The following RNF216 variants were observed in gnomAD, a reference collection of about 807,000 sequenced individuals.
The protein encoded by RNF216 is E3 ubiquitin-protein ligase RNF216.
Under a neutral mutation model 110.8 loss-of-function variants are expected in RNF216, and 72 were observed. The ratio of observed to expected loss-of-function variants is 0.65; its 90% CI spans 0.54 to 0.79. RNF216 has a LOEUF of 0.79. Ranked by LOEUF, RNF216 falls within the 30% of genes least tolerant of loss-of-function variation. The pLI is 0.00. For synonymous variants in RNF216, 495 were observed against 407.5 expected (o/e 1.21, Z -2.59); for missense variants, 1,342 against 1,141.2 (o/e 1.18, Z -2.54).
intron 8 of RNF216, among the ~76,000 whole-genome samples, chr7:5,721,498 G>A (rs1038688844): frequency 3.9e-5 from 6 of 152,198 alleles, no homozygotes; most frequent in African/African-American, 1.4e-4. Context: ...GCTGTTTTGG[G>A]TTAATCTGAA....
chr7:5,776,500 C>T (rs955439912), intron 1 of RNF216, among the ~76,000 whole-genome samples: 5 of 145,418 alleles, frequency 3.4e-5, no homozygotes, highest in Non-Finnish European at 3.0e-5. Context: ...GAGGCTGAGG[C>T]AGGAGAATGG....
intron 1 of RNF216, among the ~76,000 whole-genome samples, chr7:5,768,346 T>TACACACTCACACACACACACAC (rs1796314933): frequency 1.4e-5 from 1 of 71,886 alleles, no homozygotes; most frequent in Admixed American, 2.0e-4. Flanking sequence ...GGCAGGCAAA[T>TACACACTCACACACACACACAC]ACACACACAC....
chr7:5,632,732 A>G (rs1204026456), intron 15 of RNF216, among the ~76,000 whole-genome samples: 1 of 152,074 alleles, frequency 6.6e-6, no homozygotes, highest in African/African-American at 2.4e-5. Context: ...AGCCAAGATC[A>G]CGCGACTGCA....
chr7:5,696,535 G>C lies in RNF216; in HGVS notation c.2061+15226C>G, dbSNP rs926364409. Among the ~76,000 whole-genome samples the C allele has an allele frequency of 4.6e-5, 7 of 152,136 alleles. No individual in the cohort carries two copies. Among genetic ancestry groups the C allele is most frequent in the Non-Finnish European group, 1.0e-4 (7 of 68,012 alleles). ...CACCCACACACACCACAGGAAGGAG[G>C]AGCAGGCCGGGGCAGCCTCCTAGAC... On this transcript the variant is annotated intron_variant, in intron 13 of 16. Coordinates refer to ENST00000389902, the MANE Select transcript of RNF216 (RefSeq NM_207111.4). The surrounding 1 kb of genome is among the most constrained non-coding windows in gnomAD (Gnocchi z 5.4).
chr7:5,623,310 A>G (rs1584324281), intron 16 of RNF216, 131 bp from the exon 17 acceptor site: 2 of 701,900 alleles, frequency 2.8e-6, no homozygotes, highest in East Asian at 5.7e-5. Flanking sequence ...AAACGTGGAC[A>G]CCTCCCAAAT....
intron 1 of RNF216, among the ~76,000 whole-genome samples, chr7:5,781,193 G>A (rs1356856765): frequency 2.0e-5 from 3 of 152,242 alleles, no homozygotes; most frequent in Non-Finnish European, 4.4e-5. Flanking sequence ...CGCCTCCGCG[G>A]CGGCCTCGGG....
Position 5,776,852 on chromosome 7 carries a change from T to C in RNF216, c.-70+4689A>G, listed in dbSNP as rs186384258. On this transcript the variant is annotated intron_variant, in intron 1 of 16. Coordinates refer to ENST00000389902, the MANE Select transcript of RNF216 (RefSeq NM_207111.4). ...GGAGGAGGAGGTTGCAGTGAGCTGA[T>C]ATTGTGCCACTGCACTCCAGCCTGT... is the stretch of plus-strand genomic sequence containing the variant. Among the ~76,000 whole-genome samples, 600 of 125,786 alleles carry C rather than the reference T, an allele frequency of 4.8e-3. 3 individuals carry two copies. The highest frequency in any genetic ancestry group is 0.01 in the South Asian group (43 of 4,198). The allele number at this position is 125,786 out of a possible 152,430, so 82.5% of individuals were successfully genotyped here. A position where few individuals can be genotyped will look rare whatever the true frequency, so the allele number is the denominator to read the frequency against.
Position 5,628,019 on chromosome 7 carries a change from C to T in RNF216, c.2383-3894G>A, listed in dbSNP as rs182452007. On this transcript the variant is annotated intron_variant, in intron 15 of 16. Coordinates refer to ENST00000389902, the MANE Select transcript of RNF216 (RefSeq NM_207111.4). ...GCGAGCCCAGGTTTCTGATACAGAT[C>T]GGCGGGGTCTGGAGGACACTGCAGA... Among the ~76,000 whole-genome samples, 17 of 152,288 alleles carry T rather than the reference C, an allele frequency of 1.1e-4. No individual in the cohort carries two copies. The Middle Eastern group carries it at 0.01, about 91-fold the overall frequency.
intron 1 of RNF216, among the ~76,000 whole-genome samples, chr7:5,768,423 G>A (rs975039728): frequency 4.0e-5 from 5 of 123,868 alleles, no homozygotes; most frequent in Non-Finnish European, 8.5e-5. Flanking sequence ...AAGGAAGCAA[G>A]ATGAACCCAC....
At chr7:5,719,461 T>C (rs1372815489) in intron 9 of RNF216, among the ~76,000 whole-genome samples, 1 of 152,186 alleles carries the variant, frequency 6.6e-6, no homozygotes, top group South Asian at 2.1e-4. Context: ...ACGGGGTCAT[T>C]TGGCTGTGCC....
chr7:5,686,981 G>A (rs929829210), intron 13 of RNF216, among the ~76,000 whole-genome samples: 2 of 152,176 alleles, frequency 1.3e-5, no homozygotes, highest in African/African-American at 4.8e-5. Flanking sequence ...TGTGGCCTGG[G>A]GATGGGGACT....
chr7:5,773,270 T>C (rs1476967099), intron 1 of RNF216, among the ~76,000 whole-genome samples: 4 of 150,904 alleles, frequency 2.7e-5, no homozygotes, highest in African/African-American at 9.8e-5. Flanking sequence ...TGAGACAGAG[T>C]CTCCCACTGT....
intron 14 of RNF216, among the ~76,000 whole-genome samples, chr7:5,650,528 T>G (rs938584080): frequency 3.3e-5 from 5 of 152,070 alleles, no homozygotes; most frequent in South Asian, 2.1e-4. Context: ...TGCTGCTCAT[T>G]TGGGTTGTCT....
intron 3 of RNF216, among the ~76,000 whole-genome samples, chr7:5,745,292 TA>T (rs1210805731): frequency 3.3e-5 from 5 of 152,204 alleles, no homozygotes; most frequent in African/African-American, 1.2e-4. Flanking sequence ...CATTCACTTC[TA>T]AAAAAATTTT....
rs1284734128 is a variant in RNF216, at chr7:5,650,582, T to C, written c.2159+1831A>G. ...TGTAGGACCGGGGTCTCTATTTTCTTGGTGGCTGTCAGCTGAGGGTTTTCC... is the reference window on the plus strand; with the variant it reads ...TGTAGGACCGGGGTCTCTATTTTCTCGGTGGCTGTCAGCTGAGGGTTTTCC... On this transcript the variant is annotated intron_variant, in intron 14 of 16. Coordinates refer to ENST00000389902, the MANE Select transcript of RNF216 (RefSeq NM_207111.4). 2.6e-5 allele frequency among the ~76,000 whole-genome samples: 4 copies of C among 152,090 alleles called. No homozygotes were observed. The East Asian group carries it at 7.7e-4, about 29-fold the overall frequency.
chr7:5,640,272 A>G (rs1787656888), intron 15 of RNF216, among the ~76,000 whole-genome samples: 1 of 152,048 alleles, frequency 6.6e-6, no homozygotes, highest in Non-Finnish European at 1.5e-5. Context: ...ATTATTTTTT[A>G]GTCTGGCCTT....
chr7:5,771,944 C>T (rs773515449), intron 1 of RNF216, among the ~76,000 whole-genome samples: 3 of 151,180 alleles, frequency 2.0e-5, no homozygotes, highest in Non-Finnish European at 4.4e-5. Context: ...TAAACTAAAA[C>T]CACAAGGGGC....
At position 5,772,092 on chromosome 7, in the gene RNF216, G is replaced by A. The variant is rs546389979; in HGVS notation, c.-70+9449C>T. 1.4e-4 allele frequency among the ~76,000 whole-genome samples: 21 copies of A among 152,132 alleles called. 1 individual carries two copies. In the South Asian group the frequency reaches 4.2e-3, roughly 30 times the overall value. The stretch of plus-strand genomic sequence containing the variant: ...CTACTAAAAATACAAAATTAGCTGG[G>A]CATGGTGGCCCATGCCTGTAATCCC... On this transcript the variant is annotated intron_variant, in intron 1 of 16. Transcript: ENST00000389902.
chr7:5,667,180 G>T (rs759117099), intron 13 of RNF216, among the ~76,000 whole-genome samples: 1 of 152,144 alleles, frequency 6.6e-6, no homozygotes, highest in Non-Finnish European at 1.5e-5. Flanking sequence ...ATGACTAGTG[G>T]ATTTAAAGTT....
Sources: gnomAD v4.1 joint callset for allele counts (sites outside exome capture counted in the v4.1 genomes callset) on GRCh38, gnomAD v4.1.1 for gene constraint, Gnocchi (gnomAD v3.1) non-coding constraint, MANE v1.5 for transcripts, NCBI Gene and HGNC (gene_info 2026-07-23, HGNC 2026-07-21) for gene names.